The following NAV2 variants were observed in gnomAD, a reference collection of about 807,000 sequenced individuals.
The protein encoded by NAV2 is helicase, APC down-regulated 1.
NAV2 carries 54 observed loss-of-function variants against 223.2 expected under a neutral mutation model. That is an observed-to-expected ratio of 0.24 (90% CI 0.19 to 0.30). The LOEUF (loss-of-function observed/expected upper bound fraction) is 0.30. NAV2 is among the 10% of genes least tolerant of loss of function. The probability of loss-of-function intolerance (pLI) is 1.00; values close to 1 mark genes in which losing one functional copy is unlikely to be tolerated. For synonymous variants in NAV2, 1,279 were observed against 1,239.3 expected, an observed-to-expected ratio of 1.03 and a Z score of -0.67; for missense variants, 2,806 against 3,147.5, an observed-to-expected ratio of 0.89 and a Z score of 2.60.
intron 1 of NAV2, among the ~76,000 whole-genome samples, chr11:19,564,818 G>T (rs558325538): frequency 3.7e-4 from 56 of 152,322 alleles, no homozygotes; most frequent in Non-Finnish European, 5.9e-5. Flanking sequence ...TCAGAGCCAC[G>T]CAGCCAATGA....
At chr11:19,692,657 C>T (rs2152266377) in intron 1 of NAV2, among the ~76,000 whole-genome samples, 1 of 152,284 alleles carries the variant, frequency 6.6e-6, no homozygotes, top group East Asian at 1.9e-4. Context: ...CCTTAATTGC[C>T]TCCACAGGCA....
At chr11:19,505,347 AG>A (rs2043090967) in intron 1 of NAV2, 1 of 152,236 alleles carries the variant, frequency 6.6e-6, no homozygotes, top group Non-Finnish European at 1.5e-5. Context: ...CATAACAGAA[AG>A]GATGTCCACT....
intron 26 of NAV2, among the ~76,000 whole-genome samples, 179 bp from the exon 27 acceptor site, chr11:20,090,686 G>T (rs755876440): frequency 6.6e-6 from 1 of 152,094 alleles, no homozygotes; most frequent in Non-Finnish European, 1.5e-5. Context: ...AAGAAAAAAA[G>T]AATACAGAGA....
At chr11:19,651,806 A>G (rs1045560202) in intron 1 of NAV2, among the ~76,000 whole-genome samples, 1 of 152,238 alleles carries the variant, frequency 6.6e-6, no homozygotes, top group African/African-American at 2.4e-5. Context: ...CTGAGGCTGA[A>G]TAGACCAGCT....
chr11:19,456,627 A>G (rs952058577), intron 1 of NAV2, among the ~76,000 whole-genome samples: 13 of 152,204 alleles, frequency 8.5e-5, no homozygotes, highest in African/African-American at 2.9e-4. Context: ...TGACCCCAGC[A>G]TCATCAAGTC....
chr11:19,941,133 C>A (rs2046365037), intron 8 of NAV2, among the ~76,000 whole-genome samples: 1 of 152,122 alleles, frequency 6.6e-6, no homozygotes, highest in Non-Finnish European at 1.5e-5. Flanking sequence ...AAAGCAGGAG[C>A]CGGAGAATAT....
At chr11:19,574,372 T>C (rs1217193091) in intron 1 of NAV2, among the ~76,000 whole-genome samples, 1 of 152,224 alleles carries the variant, frequency 6.6e-6, no homozygotes, top group Non-Finnish European at 1.5e-5. Flanking sequence ...CCTGGCACTA[T>C]TGAGCAGTAG....
intron 1 of NAV2, among the ~76,000 whole-genome samples, chr11:19,603,915 G>A (rs975770925): frequency 1.3e-5 from 2 of 152,284 alleles, no homozygotes; most frequent in South Asian, 2.1e-4. Flanking sequence ...GGAGCTATAA[G>A]GGTTCTGAGG....
intron 1 of NAV2, among the ~76,000 whole-genome samples, chr11:19,768,933 C>T (rs1416971415): frequency 6.6e-6 from 1 of 152,196 alleles, no homozygotes; most frequent in African/African-American, 2.4e-5. Flanking sequence ...GTCTTGAGAA[C>T]CTATGAGGAG....
At chr11:19,496,836 A>AACAAAAG (rs1274144770) in intron 1 of NAV2, among the ~76,000 whole-genome samples, 10 of 152,294 alleles carry the variant, frequency 6.6e-5, no homozygotes, top group African/African-American at 2.4e-4. Flanking sequence ...AAAAACAAAA[A>AACAAAAG]CAGAAACAAA....
intron 1 of NAV2, among the ~76,000 whole-genome samples, chr11:19,649,582 G>A (rs1000085701): frequency 1.4e-4 from 21 of 152,224 alleles, no homozygotes; most frequent in Non-Finnish European, 2.9e-4. Flanking sequence ...TCTCTCTGGG[G>A]CCTCTTTTAT....
intron 10 of NAV2, among the ~76,000 whole-genome samples, chr11:19,957,929 T>C (rs2048023741): frequency 6.6e-6 from 1 of 152,208 alleles, no homozygotes; most frequent in Admixed American, 6.5e-5. Context: ...AATGGGTGTC[T>C]TGTCTTCTCA....
chr11:19,908,044 T>C (rs2043015372), intron 6 of NAV2, among the ~76,000 whole-genome samples: 1 of 152,194 alleles, frequency 6.6e-6, no homozygotes, highest in Non-Finnish European at 1.5e-5. Context: ...CTTGAGGTGT[T>C]AGTCAGCATT....
intron 1 of NAV2, among the ~76,000 whole-genome samples, chr11:19,451,835 G>A (rs1025793103): frequency 3.9e-5 from 6 of 152,324 alleles, no homozygotes; most frequent in African/African-American, 1.2e-4. Flanking sequence ...TAAGGACATG[G>A]AAATAGAAGC....
intron 20 of NAV2, among the ~76,000 whole-genome samples, chr11:20,067,106 C>T (rs900933527): frequency 2.0e-5 from 3 of 152,152 alleles, no homozygotes; most frequent in African/African-American, 4.8e-5. Flanking sequence ...AAGAGGGAAG[C>T]CAGTAAGAGG....
intron 1 of NAV2, among the ~76,000 whole-genome samples, chr11:19,457,770 G>A (rs1056204084): frequency 6.6e-6 from 1 of 152,084 alleles, no homozygotes; most frequent in Admixed American, 6.6e-5. Context: ...AAGTTTTGGG[G>A]CACCACCGTC....
At chr11:19,463,733 A>G (rs1409762662) in intron 1 of NAV2, among the ~76,000 whole-genome samples, 1 of 152,112 alleles carries the variant, frequency 6.6e-6, no homozygotes, top group Non-Finnish European at 1.5e-5. Flanking sequence ...GATGAGGGAG[A>G]AGGGCAATCC....
intron 1 of NAV2, among the ~76,000 whole-genome samples, chr11:19,737,053 A>G (rs12286513): frequency 0.27 from 40,712 of 152,226 alleles, 5,780 homozygotes; most frequent in Middle Eastern, 0.38. Flanking sequence ...ATTGGCTGCT[A>G]GCCGTAGAGC....
intron 1 of NAV2, among the ~76,000 whole-genome samples, chr11:19,744,494 T>C (rs2053161402): frequency 6.6e-6 from 1 of 152,128 alleles, no homozygotes; most frequent in Non-Finnish European, 1.5e-5. Flanking sequence ...CCACTAATTG[T>C]GGTAAACCCA....
Sources: allele counts gnomAD v4.1 joint callset (sites outside exome capture counted in the v4.1 genomes callset), GRCh38; gene constraint gnomAD v4.1.1; transcripts MANE v1.5; gene names NCBI Gene and HGNC (gene_info 2026-07-23, HGNC 2026-07-21).